Variants in CFAP54 observed in about 807,000 individuals in gnomAD.
CFAP54 encodes cilia- and flagella-associated protein 54.
A neutral mutation model predicts 370.4 loss-of-function variants in CFAP54; 290 were observed. The observed-to-expected ratio is 0.78, with a 90% CI of 0.71 to 0.86. The LOEUF is 0.86. Ranked by LOEUF, CFAP54 falls within the 40% of genes least tolerant of loss-of-function variation. CFAP54 has a pLI of 0.00. For synonymous variants in CFAP54, 1,206 were observed against 1,236.5 expected (o/e 0.98, Z 0.52); for missense variants, 3,399 against 3,528.7 (o/e 0.96, Z 0.93).
intron 60 of CFAP54, among the ~76,000 whole-genome samples, chr12:96,771,863 A>G (rs948211454): frequency 1.3e-5 from 2 of 152,164 alleles, no homozygotes; most frequent in East Asian, 1.9e-4. Context: ...CTCTTCCTCA[A>G]TCTTCCCCAA....
chr12:96,621,875 GTT>G (rs71068819), intron 27 of CFAP54, among the ~76,000 whole-genome samples, 154 bp downstream of exon 27: 72 of 50,026 alleles, frequency 1.4e-3, no homozygotes, highest in Non-Finnish European at 1.7e-3. Flanking sequence ...TTTTGGGTTT[GTT>G]TTTTTTTTTT....
intron 26 of CFAP54, among the ~76,000 whole-genome samples, chr12:96,604,397 A>T (rs1956279141): frequency 1.3e-5 from 2 of 152,316 alleles, no homozygotes; most frequent in East Asian, 1.9e-4. Flanking sequence ...TCTCCCAGTC[A>T]GGTTACACAG....
rs770774350 is a variant in CFAP54, at chr12:96,757,546, G to A, written c.7998G>A (p.Lys2666=). Residue 2666 remains lysine, a synonymous_variant, in exon 58 of 68, where the codon AAG becomes AAA. Coordinates refer to ENST00000524981, the MANE Select transcript of CFAP54 (RefSeq NM_001306084.2). ...LEMALLYFHL[K]KPKIKISGSP... is the part of the protein sequence containing the mutation. ...TGGCTCTATTGTATTTTCATCTGAA[G>A]AAGCCAAAGATAAAAATTTCAGGAT... is the stretch of plus-strand genomic sequence containing the variant. 7 of 1,599,238 alleles carry A rather than the reference G, an allele frequency of 4.4e-6. No individual in the cohort carries two copies. Among genetic ancestry groups the A allele is most frequent in the Non-Finnish European group, 6.0e-6 (7 of 1,170,244 alleles).
chr12:96,551,161 C>T (rs1179669375), intron 15 of CFAP54, among the ~76,000 whole-genome samples: 4 of 132,342 alleles, frequency 3.0e-5, no homozygotes, highest in Non-Finnish European at 6.2e-5. Flanking sequence ...GTCCTAGCTA[C>T]TTGGGAGGAT....
intron 46 of CFAP54, among the ~76,000 whole-genome samples, chr12:96,701,335 C>T (rs1425814431): frequency 2.6e-5 from 4 of 151,926 alleles, no homozygotes; most frequent in Non-Finnish European, 5.9e-5. Context: ...CTTGCTTGCT[C>T]CTCAGTTAAT....
At chr12:96,625,858 GAATT>G (rs1427176103) in intron 29 of CFAP54, 51 bp downstream of exon 29, 2 of 1,306,702 alleles carry the variant, frequency 1.5e-6, no homozygotes, top group East Asian at 2.5e-5. Flanking sequence ...TCACTGAAGA[GAATT>G]AATTCTGTGG....
In CFAP54 at chr12:96,644,239, C is replaced by G. The variant is rs766515009; in HGVS notation, c.4378C>G (p.Leu1460Val). The change falls in exon 33 of 68, where the codon CTA (leucine) becomes GTA (valine). Residue 1460 changes from leucine to valine, a missense_variant. Physicochemically the swap from Leu to Val is conservative, Grantham distance 32 (BLOSUM62 1). Transcript: ENST00000524981. ...QRYLMDYLNP[L>V]ILSYVKRKRF... ...ATACCTGATGGATTACTTGAATCCT[C>G]TAATATTAAGTTATGTTAAAAGAAA... 74 of 1,535,700 alleles carry G rather than the reference C, an allele frequency of 4.8e-5. No homozygotes were observed. In the South Asian group the frequency reaches 5.9e-4, roughly 12 times the overall value.
At chr12:96,677,423 G>A (rs1957223991) in intron 39 of CFAP54, among the ~76,000 whole-genome samples, 2 of 152,144 alleles carry the variant, frequency 1.3e-5, no homozygotes, top group African/African-American at 2.4e-5. Context: ...ATTCTCTAAG[G>A]AGAAAAAGAT....
intron 50 of CFAP54, among the ~76,000 whole-genome samples, chr12:96,729,291 T>G (rs1385462827): frequency 6.6e-6 from 1 of 152,190 alleles, no homozygotes; most frequent in Non-Finnish European, 1.5e-5. Flanking sequence ...AGGTGCAGCC[T>G]ACAGAGGCCG....
At chr12:96,850,784 A>G (rs1452830215) in intron 66 of CFAP54, among the ~76,000 whole-genome samples, 1 of 152,208 alleles carries the variant, frequency 6.6e-6, no homozygotes, top group East Asian at 1.9e-4. Flanking sequence ...GAGAGAGAGC[A>G]TGGCAGCAGG....
chr12:96,591,305 T>C (rs1365181537), intron 23 of CFAP54, among the ~76,000 whole-genome samples: 1 of 152,134 alleles, frequency 6.6e-6, no homozygotes, highest in Non-Finnish European at 1.5e-5. Flanking sequence ...AGAGCCACTT[T>C]TGTAGCATGA....
intron 35 of CFAP54, among the ~76,000 whole-genome samples, chr12:96,650,626 C>T (rs1956848453): frequency 6.6e-6 from 1 of 152,050 alleles, no homozygotes; most frequent in Non-Finnish European, 1.5e-5. Context: ...GAATTGTTAG[C>T]TACAAAGAAA....
intron 22 of CFAP54, among the ~76,000 whole-genome samples, chr12:96,585,683 T>C (rs1956070951): frequency 1.3e-5 from 2 of 152,180 alleles, no homozygotes; most frequent in African/African-American, 4.8e-5. Context: ...GGCAGGATGA[T>C]AAGAAGGCCT....
Position 96,512,621 on chromosome 12 carries a change from G to A in CFAP54, c.740-365G>A, listed in dbSNP as rs185793247. On this transcript the variant is annotated intron_variant, in intron 4 of 67. Coordinates refer to ENST00000524981, the MANE Select transcript of CFAP54 (RefSeq NM_001306084.2). ...CTCCCAAAGTGCTGGGATTACAGGC[G>A]TAGCCACTGTACACAGCTGGGAACC... is the stretch of plus-strand genomic sequence containing the variant. Among the ~76,000 whole-genome samples the A allele has an allele frequency of 7.2e-5, 11 of 152,104 alleles. No homozygotes were observed. The East Asian group carries it at 9.7e-4, about 13-fold the overall frequency.
At chr12:96,535,050 GTGTTTA>G (rs1304455051) in intron 11 of CFAP54, among the ~76,000 whole-genome samples, 11 of 133,598 alleles carry the variant, frequency 8.2e-5, no homozygotes, top group African/African-American at 1.4e-4. Context: ...GTGTGTGTGT[GTGTTTA>G]TTTATTTATT....
At chr12:96,591,517 G>A (rs1015445200) in intron 23 of CFAP54, among the ~76,000 whole-genome samples, 1 of 152,112 alleles carries the variant, frequency 6.6e-6, no homozygotes, top group South Asian at 2.1e-4. Flanking sequence ...AGAAGAAAAT[G>A]TAGGCGATGA....
At chr12:96,503,706 G>A (rs921612766) in intron 2 of CFAP54, among the ~76,000 whole-genome samples, 180 bp from the exon 3 acceptor site, 45 of 152,082 alleles carry the variant, frequency 3.0e-4, no homozygotes, top group African/African-American at 9.4e-4. Context: ...ATGAAATAAT[G>A]CACATACATT....
At chr12:96,791,035 C>G (rs34459) in intron 62 of CFAP54, among the ~76,000 whole-genome samples, 22,467 of 152,160 alleles carry the variant, frequency 0.15, 2,031 homozygotes, top group Middle Eastern at 0.26. Context: ...TTTCTGGCCA[C>G]TGACAAATAC....
chr12:96,498,522 G>A (rs1372706849), intron 1 of CFAP54, among the ~76,000 whole-genome samples: 1 of 152,140 alleles, frequency 6.6e-6, no homozygotes, highest in African/African-American at 2.4e-5. Context: ...GCGTGGTGGT[G>A]CGTGCCTGTA....
Sources: allele counts gnomAD v4.1 joint callset (sites outside exome capture counted in the v4.1 genomes callset), GRCh38; gene constraint gnomAD v4.1.1; transcripts MANE v1.5; gene names NCBI Gene and HGNC (gene_info 2026-07-23, HGNC 2026-07-21).